Variants in CNST observed in about 807,000 individuals in gnomAD.
The protein encoded by CNST is consortin, connexin sorting protein.
A neutral mutation model predicts 72.4 loss-of-function variants in CNST; 39 were observed. That is an observed-to-expected ratio of 0.54 (90% CI 0.42 to 0.70). CNST has a LOEUF of 0.70. Ranked by LOEUF, CNST falls within the 30% of genes least tolerant of loss-of-function variation. CNST has a pLI of 0.00. For synonymous variants in CNST, 332 were observed against 320.1 expected (o/e 1.04, Z -0.40); for missense variants, 871 against 868.5 (o/e 1.00, Z -0.04).
At chr1:246,584,522 A>G (rs1228943599) in intron 1 of CNST, among the ~76,000 whole-genome samples, 1 of 152,142 alleles carries the variant, frequency 6.6e-6, no homozygotes, top group Admixed American at 6.5e-5. Flanking sequence ...CAGCGTAGGT[A>G]TCAGTCTTAT....
At position 246,666,020 on chromosome 1, in the gene CNST, G is replaced by A. The variant is rs148894054; in HGVS notation, c.*115G>A. ...CCCCTTCCCTCTGTTAGGAACCAAGGACATCAGAAATAGCAACTTTAAGTG... is the reference window on the plus strand; with the variant it reads ...CCCCTTCCCTCTGTTAGGAACCAAGAACATCAGAAATAGCAACTTTAAGTG... On this transcript the variant is annotated 3_prime_UTR_variant, in exon 11 of 11. Coordinates refer to ENST00000366513, the MANE Select transcript of CNST (RefSeq NM_152609.3). The A allele has an allele frequency of 3.6e-4, 262 of 732,112 alleles. 1 individual carries two copies. The East Asian group carries it at 5.0e-3, about 14-fold the overall frequency. The allele number at this position is 732,112 out of a possible 1,614,324, so 45.4% of individuals were successfully genotyped here.
At chr1:246,601,565 C>T (rs1454541024) in intron 2 of CNST, among the ~76,000 whole-genome samples, 1 of 152,062 alleles carries the variant, frequency 6.6e-6, no homozygotes, top group South Asian at 2.1e-4. Context: ...GAGGCTGAGG[C>T]GGGTGAATCA....
At chr1:246,624,836 T>G (rs1313081958) in intron 3 of CNST, among the ~76,000 whole-genome samples, 1 of 152,242 alleles carries the variant, frequency 6.6e-6, no homozygotes, top group African/African-American at 2.4e-5. Flanking sequence ...GTATTTTTAG[T>G]AGAGATGGGG....
chr1:246,654,823 GTT>G (rs10710289), intron 9 of CNST, among the ~76,000 whole-genome samples: 30 of 150,652 alleles, frequency 2.0e-4, no homozygotes, highest in African/African-American at 4.9e-4. Flanking sequence ...GCTTATCTGT[GTT>G]TTTTTTTTTA....
intron 8 of CNST, 65 bp downstream of exon 8, chr1:246,642,102 G>A (rs984563946): frequency 5.0e-6 from 3 of 599,884 alleles, no homozygotes; most frequent in African/African-American, 4.9e-5. Flanking sequence ...TCTTTTACAA[G>A]TGATACATCT....
intron 1 of CNST, among the ~76,000 whole-genome samples, chr1:246,591,243 C>T (rs1387309665): frequency 1.3e-5 from 2 of 152,172 alleles, no homozygotes; most frequent in African/African-American, 4.8e-5. Flanking sequence ...GTTCCATCCT[C>T]AGAGATTCTG....
intron 6 of CNST, among the ~76,000 whole-genome samples, chr1:246,636,724 T>C (rs1665280293): frequency 6.6e-6 from 1 of 152,256 alleles, no homozygotes; most frequent in Non-Finnish European, 1.5e-5. Flanking sequence ...AGCCCCATTA[T>C]GACTGCCAGA....
chr1:246,575,757 ACT>A (rs1304483721), intron 1 of CNST, among the ~76,000 whole-genome samples: 1 of 152,186 alleles, frequency 6.6e-6, no homozygotes, highest in African/African-American at 2.4e-5. Flanking sequence ...GTGTCATGAA[ACT>A]CAACTAGAAA....
intron 2 of CNST, among the ~76,000 whole-genome samples, chr1:246,611,094 AAC>A (rs1663287820): frequency 1.3e-5 from 2 of 152,272 alleles, no homozygotes; most frequent in African/African-American, 4.8e-5. Flanking sequence ...GATTAGAACA[AAC>A]ACAGTGATTT....
chr1:246,583,259 T>C (rs1481369712), intron 1 of CNST, among the ~76,000 whole-genome samples: 3 of 152,234 alleles, frequency 2.0e-5, no homozygotes, highest in African/African-American at 4.8e-5. Context: ...TCTGCACTTA[T>C]TTTCATCTCT....
chr1:246,592,008 A>C, intron 2 of CNST, 67 bp downstream of exon 2: 3 of 1,219,352 alleles, frequency 2.5e-6, no homozygotes, highest in Non-Finnish European at 3.4e-6. Flanking sequence ...TCCCTCCCAT[A>C]CTGTGTTTAC....
At chr1:246,584,803 C>A (rs1256878052) in intron 1 of CNST, among the ~76,000 whole-genome samples, 1 of 152,170 alleles carries the variant, frequency 6.6e-6, no homozygotes, top group Non-Finnish European at 1.5e-5. Flanking sequence ...CCACTCCCTC[C>A]CTGCCTCCGG....
At chr1:246,615,215 A>G (rs143989906) in intron 2 of CNST, among the ~76,000 whole-genome samples, 2,859 of 152,204 alleles carry the variant, frequency 0.019, 92 homozygotes, top group African/African-American at 0.065. Flanking sequence ...TCGCTCTGTC[A>G]CCCAGGCTGG....
chr1:246,658,266 CTG>C (rs1666875342), intron 9 of CNST, among the ~76,000 whole-genome samples: 1 of 150,976 alleles, frequency 6.6e-6, no homozygotes, highest in Non-Finnish European at 1.5e-5. Context: ...CTGGTTAAGA[CTG>C]TTTCCCTCTC....
At chr1:246,589,350 T>A (rs1187008624) in intron 1 of CNST, among the ~76,000 whole-genome samples, 1 of 149,852 alleles carries the variant, frequency 6.7e-6, no homozygotes, top group African/African-American at 2.5e-5. Flanking sequence ...CACCTATGAG[T>A]GAGAACATGC....
chr1:246,567,590 C>T (rs1659798141), intron 1 of CNST, among the ~76,000 whole-genome samples: 2 of 152,064 alleles, frequency 1.3e-5, no homozygotes, highest in Admixed American at 1.3e-4. Flanking sequence ...AATGTATCAC[C>T]CAGCAAATAG....
At chr1:246,631,476 A>T (rs1300303367) in intron 3 of CNST, among the ~76,000 whole-genome samples, 1 of 152,138 alleles carries the variant, frequency 6.6e-6, no homozygotes, top group African/African-American at 2.4e-5. Context: ...CTTTTTATTA[A>T]TTATTTATTT....
chr1:246,593,896 C>T (rs1332742775), intron 2 of CNST, among the ~76,000 whole-genome samples: 1 of 152,068 alleles, frequency 6.6e-6, no homozygotes, highest in Admixed American at 6.6e-5. Context: ...TGGAGTAGCT[C>T]GGACAACAGG....
chr1:246,615,014 G>A (rs916853697), intron 2 of CNST, among the ~76,000 whole-genome samples: 12 of 152,240 alleles, frequency 7.9e-5, no homozygotes, highest in African/African-American at 2.9e-4. Context: ...CTACTATATT[G>A]TTTCACAAAA....
Sources: gnomAD v4.1 joint callset for allele counts (sites outside exome capture counted in the v4.1 genomes callset) on GRCh38, gnomAD v4.1.1 for gene constraint, MANE v1.5 for transcripts, NCBI Gene and HGNC (gene_info 2026-07-23, HGNC 2026-07-21) for gene names.